The following MAP3K5 variants were observed in gnomAD, a reference collection of about 807,000 sequenced individuals.
The protein encoded by MAP3K5 is mitogen-activated protein kinase kinase kinase 5, also known as ASK-1.
A neutral mutation model predicts 158.7 loss-of-function variants in MAP3K5; 56 were observed. That is an observed-to-expected ratio of 0.35 (90% confidence interval 0.28 to 0.44). The LOEUF is 0.44. MAP3K5 is among the 20% of genes least tolerant of loss of function. The probability of loss-of-function intolerance (pLI) is 1.00; values close to 1 mark genes in which losing one functional copy is unlikely to be tolerated. For missense variants in MAP3K5, 1,294 were observed against 1,674.8 expected, an observed-to-expected ratio of 0.77 and a Z score of 3.97; for synonymous variants, 579 against 601.7, an observed-to-expected ratio of 0.96 and a Z score of 0.55.
At chr6:136,771,962 C>T (rs1422791826) in intron 1 of MAP3K5, among the ~76,000 whole-genome samples, 1 of 151,956 alleles carries the variant, frequency 6.6e-6, no homozygotes, top group Non-Finnish European at 1.5e-5. Context: ...CTCCATCACT[C>T]AGGCTGGAGT....
chr6:136,779,178 C>T (rs1205447293), intron 1 of MAP3K5, among the ~76,000 whole-genome samples: 1 of 152,104 alleles, frequency 6.6e-6, no homozygotes, highest in African/African-American at 2.4e-5. Flanking sequence ...ACCTGGGAGG[C>T]AGAGGTTGCA....
chr6:136,726,874 T>C (rs1038278240), intron 1 of MAP3K5, among the ~76,000 whole-genome samples: 8 of 152,260 alleles, frequency 5.3e-5, no homozygotes, highest in Admixed American at 3.3e-4. Flanking sequence ...TTTTCATATA[T>C]ATTATTTTAT....
intron 12 of MAP3K5, 103 bp from the exon 13 acceptor site, chr6:136,639,741 T>C (rs1472944678): frequency 1.3e-5 from 8 of 614,792 alleles, no homozygotes; most frequent in Non-Finnish European, 2.3e-5. Flanking sequence ...TTTATATCAA[T>C]GTTGTTTATA....
At chr6:136,704,227 T>C (rs1017714658) in intron 3 of MAP3K5, among the ~76,000 whole-genome samples, 2 of 152,206 alleles carry the variant, frequency 1.3e-5, no homozygotes, top group African/African-American at 2.4e-5. Flanking sequence ...TATGTAATTA[T>C]ACTATATTGA....
chr6:136,734,406 C>T (rs113981384), intron 1 of MAP3K5, among the ~76,000 whole-genome samples: 4,486 of 116,644 alleles, frequency 0.038, 252 homozygotes, highest in African/African-American at 0.14. Context: ...GCCAACAAAG[C>T]GAGACTCTGT....
At chr6:136,716,937 T>C (rs1321049054) in intron 2 of MAP3K5, among the ~76,000 whole-genome samples, 4 of 151,970 alleles carry the variant, frequency 2.6e-5, no homozygotes, top group Non-Finnish European at 5.9e-5. Context: ...GTGGGCAGAT[T>C]ACTTGAGGTC....
At chr6:136,614,454 T>G (rs1389198009) in intron 15 of MAP3K5, among the ~76,000 whole-genome samples, 168 bp from the exon 16 acceptor site, 1 of 152,058 alleles carries the variant, frequency 6.6e-6, no homozygotes, top group Non-Finnish European at 1.5e-5. Flanking sequence ...AGGTTGAAGG[T>G]GTGGTAGGAT....
At chr6:136,734,878 A>G (rs1446464712) in intron 1 of MAP3K5, among the ~76,000 whole-genome samples, 1 of 152,226 alleles carries the variant, frequency 6.6e-6, no homozygotes, top group Admixed American at 6.5e-5. Context: ...AATCTGCCTC[A>G]TTTAATTGGC....
chr6:136,617,165 T>C (rs1016841386), intron 15 of MAP3K5, among the ~76,000 whole-genome samples: 1 of 152,160 alleles, frequency 6.6e-6, no homozygotes, highest in Admixed American at 6.5e-5. Context: ...GCAATAATAG[T>C]CAGAATCCAA....
chr6:136,572,916 A>C (rs945616462), intron 25 of MAP3K5, among the ~76,000 whole-genome samples: 4 of 152,254 alleles, frequency 2.6e-5, no homozygotes, highest in Non-Finnish European at 4.4e-5. Flanking sequence ...ACATTGAAAT[A>C]TAACATGAAA....
intron 2 of MAP3K5, among the ~76,000 whole-genome samples, chr6:136,719,224 G>GA (rs1781654373): frequency 6.6e-6 from 1 of 152,022 alleles, no homozygotes; most frequent in Non-Finnish European, 1.5e-5. Flanking sequence ...AAAGAAAAAT[G>GA]AAAAGAGCTA....
At chr6:136,558,174 C>G (rs1351527450) in intron 29 of MAP3K5, among the ~76,000 whole-genome samples, 1 of 152,086 alleles carries the variant, frequency 6.6e-6, no homozygotes, top group South Asian at 2.1e-4. Context: ...GTCAGGAGAT[C>G]GAGACCATCC....
rs117955837 is a variant in MAP3K5, at chr6:136,767,368, G to A, written c.448+24342C>T. 6.0e-3 allele frequency among the ~76,000 whole-genome samples: 907 copies of A among 151,930 alleles called. 24 individuals are homozygous for A. The highest frequency in any genetic ancestry group is 0.051 in the East Asian group (263 of 5,168). On this transcript the variant is annotated intron_variant, in intron 1 of 29. Transcript: ENST00000359015. ...GAAGGAGAAAGAAGGGAGGAAGGAG[G>A]AGGGAGGGGACTAAAGGAAGGGAGG... is the stretch of plus-strand genomic sequence containing the variant.
At position 136,655,604 on chromosome 6, in the gene MAP3K5, C is replaced by T. The variant is rs377502529; in HGVS notation, c.1680+703G>A. Among the ~76,000 whole-genome samples the T allele has an allele frequency of 2.6e-5, 4 of 152,258 alleles. No individual in the cohort carries two copies. In the East Asian group the frequency reaches 5.8e-4, roughly 22 times the overall value. On this transcript the variant is annotated intron_variant, in intron 10 of 29. Transcript: ENST00000359015. ...ACTTTGATGTGGAAAGAAATTTGTA[C>T]ATACAGGGAGTTGCCAGTAATTCTT...
intron 25 of MAP3K5, among the ~76,000 whole-genome samples, chr6:136,576,271 T>C (rs1458736397): frequency 6.6e-6 from 1 of 152,162 alleles, no homozygotes; most frequent in African/African-American, 2.4e-5. Flanking sequence ...TCCATCCTTT[T>C]TGACACTTTC....
chr6:136,790,952 T>C (rs963598101), intron 1 of MAP3K5, among the ~76,000 whole-genome samples: 1 of 152,232 alleles, frequency 6.6e-6, no homozygotes, highest in Non-Finnish European at 1.5e-5. Flanking sequence ...GCAATCACTT[T>C]AATGGCGAAA....
intron 18 of MAP3K5, among the ~76,000 whole-genome samples, chr6:136,605,760 T>C (rs1776072123): frequency 6.6e-6 from 1 of 152,236 alleles, no homozygotes; most frequent in Admixed American, 6.5e-5. Flanking sequence ...ACTTCTAATC[T>C]TTTCCAGAAG....
intron 3 of MAP3K5, among the ~76,000 whole-genome samples, chr6:136,700,960 A>T (rs1050238982): frequency 1.1e-4 from 17 of 152,346 alleles, no homozygotes; most frequent in African/African-American, 4.1e-4. Flanking sequence ...TACCCTTAGC[A>T]CTTAAGTAAT....
At chr6:136,608,406 C>A (rs1385802699) in intron 18 of MAP3K5, among the ~76,000 whole-genome samples, 5 of 152,092 alleles carry the variant, frequency 3.3e-5, no homozygotes, top group African/African-American at 2.4e-5. Context: ...GGGGAAGCCA[C>A]CGAAAATGCA....
Sources: gnomAD v4.1 joint callset for allele counts (sites outside exome capture counted in the v4.1 genomes callset) on GRCh38, gnomAD v4.1.1 for gene constraint, MANE v1.5 for transcripts, NCBI Gene and HGNC (gene_info 2026-07-23, HGNC 2026-07-21) for gene names.